Variants in FOCAD observed in about 807,000 individuals in gnomAD.
FOCAD encodes the protein focadhesin.
FOCAD carries 198 observed loss-of-function variants against 225.6 expected under a neutral mutation model. The ratio of observed to expected loss-of-function variants is 0.88; its 90% CI spans 0.78 to 0.99. The LOEUF (loss-of-function observed/expected upper bound fraction) is 0.99. Among genes scored for constraint, FOCAD ranks in the 50% least tolerant of loss-of-function variants. The pLI, the probability that FOCAD is intolerant of heterozygous loss-of-function variation, is 0.00. For synonymous variants in FOCAD, 897 were observed against 755.0 expected, an observed-to-expected ratio of 1.19 and a Z score of -3.08; for missense variants, 2,713 against 2,123.6, an observed-to-expected ratio of 1.28 and a Z score of -5.46.
intron 27 of FOCAD, among the ~76,000 whole-genome samples, chr9:20,931,691 A>G (rs936849900): frequency 2.4e-4 from 37 of 152,158 alleles, no homozygotes; most frequent in African/African-American, 8.9e-4. Context: ...TCACATCTGT[A>G]ATTGCAGCAT....
chr9:20,955,617 G>C (rs945991013), intron 35 of FOCAD, among the ~76,000 whole-genome samples: 3 of 140,960 alleles, frequency 2.1e-5, no homozygotes, highest in African/African-American at 7.9e-5. Context: ...TTAATCTTTT[G>C]TCGTCATTAT....
intron 26 of FOCAD, 76 bp downstream of exon 26, chr9:20,926,493 G>A (rs377179179): frequency 3.2e-6 from 3 of 952,142 alleles, no homozygotes; most frequent in Non-Finnish European, 3.4e-6. Context: ...ACATGAAATC[G>A]ATTATATAGG....
chr9:20,869,295 C>T (rs532321777), intron 18 of FOCAD, among the ~76,000 whole-genome samples: 42 of 152,042 alleles, frequency 2.8e-4, no homozygotes, highest in African/African-American at 8.9e-4. Flanking sequence ...CTATGGAAAC[C>T]GGTGGAATAA....
At chr9:20,762,355 C>G (rs1041657984) in intron 6 of FOCAD, among the ~76,000 whole-genome samples, 1 of 151,870 alleles carries the variant, frequency 6.6e-6, no homozygotes, top group Non-Finnish European at 1.5e-5. Context: ...GTGAAAAGTC[C>G]TTTTGATTTT....
chr9:20,850,153 A>G (rs536830166), intron 15 of FOCAD, among the ~76,000 whole-genome samples: 1 of 151,924 alleles, frequency 6.6e-6, no homozygotes, highest in Admixed American at 6.6e-5. Flanking sequence ...AGAAATAAAA[A>G]TAATTTTAAT....
intron 19 of FOCAD, chr9:20,875,466 A>G (rs1192883068): frequency 1.3e-5 from 2 of 152,176 alleles, no homozygotes; most frequent in Non-Finnish European, 2.9e-5. Context: ...GTGGTGGTGC[A>G]TGCTGTAGTT....
chr9:20,937,386 G>A (rs1233241593), intron 28 of FOCAD, among the ~76,000 whole-genome samples: 2 of 152,088 alleles, frequency 1.3e-5, no homozygotes, highest in South Asian at 2.1e-4. Flanking sequence ...CAGAGATATA[G>A]ACCAATGGAG....
chr9:20,940,631 C>CT (rs1196274943), intron 28 of FOCAD, among the ~76,000 whole-genome samples: 1 of 152,172 alleles, frequency 6.6e-6, no homozygotes, highest in Non-Finnish European at 1.5e-5. Flanking sequence ...TACTGAGCAG[C>CT]TGCATACTGA....
Position 20,948,900 on chromosome 9 carries a change from T to TG in FOCAD, c.3850dup (p.Val1284GlyfsTer4). 1 of 1,613,546 alleles carries TG rather than the reference T, an allele frequency of 6.2e-7. No homozygotes were observed. The highest frequency in any genetic ancestry group is 8.5e-7 in the Non-Finnish European group (1 of 1,179,526). ...GCAGCTCTTCATGGCATGGTGGCCT[T>TG]GGTAGGCTCTGAAGGGGATGTAATG... On this transcript the variant is annotated frameshift_variant, in exon 32 of 44. Transcript: ENST00000338382. LOFTEE classifies it high-confidence loss of function.
chr9:20,801,339 C>T (rs1213297758), intron 11 of FOCAD, among the ~76,000 whole-genome samples: 3 of 152,068 alleles, frequency 2.0e-5, no homozygotes, highest in Non-Finnish European at 4.4e-5. Flanking sequence ...TGTCTGATAT[C>T]AGTTTTGGCC....
At chr9:20,949,835 G>C (rs1411354564) in intron 33 of FOCAD, among the ~76,000 whole-genome samples, 160 bp downstream of exon 33, 1 of 152,056 alleles carries the variant, frequency 6.6e-6, no homozygotes, top group Admixed American at 6.6e-5. Context: ...GTGGACCTGT[G>C]TTAACTGACA....
chr9:20,819,060 A>C (rs1824037760), intron 11 of FOCAD, among the ~76,000 whole-genome samples: 1 of 152,086 alleles, frequency 6.6e-6, no homozygotes, highest in Non-Finnish European at 1.5e-5. Flanking sequence ...ACTTAGAGGG[A>C]AATTTTTGTC....
intron 5 of FOCAD, among the ~76,000 whole-genome samples, chr9:20,751,491 C>A (rs1828542320): frequency 2.2e-5 from 1 of 45,862 alleles, no homozygotes; most frequent in African/African-American, 6.4e-5. Context: ...ATGAACTCAT[C>A]ATTTTTTATG....
intron 11 of FOCAD, among the ~76,000 whole-genome samples, chr9:20,809,017 A>G (rs1247812402): frequency 1.3e-5 from 2 of 152,234 alleles, no homozygotes; most frequent in Non-Finnish European, 2.9e-5. Flanking sequence ...ACAGAAATGT[A>G]CACAAAAGCA....
Position 20,788,953 on chromosome 9 carries a change from C to T in FOCAD, c.1198-398C>T, listed in dbSNP as rs147243380. Among the ~76,000 whole-genome samples the T allele has an allele frequency of 4.9e-3, 749 of 152,180 alleles. 10 individuals carry two copies. Among genetic ancestry groups the T allele is most frequent in the African/African-American group, 0.015 (612 of 41,530 alleles). Reference sequence around the variant, plus strand: ...GTCTGCCATCTGCCCCAGACTGCTTCTGCCTAGGGCCTGGAGCTGGGCAAA... The same window carrying T: ...GTCTGCCATCTGCCCCAGACTGCTTTTGCCTAGGGCCTGGAGCTGGGCAAA... On this transcript the variant is annotated intron_variant, in intron 10 of 43. Transcript: ENST00000338382.
chr9:20,781,382 T>C (rs1189686866), intron 9 of FOCAD, among the ~76,000 whole-genome samples: 1 of 152,254 alleles, frequency 6.6e-6, no homozygotes, highest in Non-Finnish European at 1.5e-5. Flanking sequence ...TGTTAGCCAC[T>C]GATCCAGGAA....
In FOCAD at chr9:20,815,123, G is replaced by GTGTTTTTTTTTTTTTTTTTTTTTTTTTT. The variant is rs1564024181; in HGVS notation, c.1456-4672_1456-4671insGTTTTTTTTTTTTTTTTTTTTTTTTTTT. 4.8e-4 allele frequency among the ~76,000 whole-genome samples: 41 copies of GTGTTTTTTTTTTTTTTTTTTTTTTTTTT among 85,382 alleles called. 9 individuals carry two copies. Among genetic ancestry groups the GTGTTTTTTTTTTTTTTTTTTTTTTTTTT allele is most frequent in the Non-Finnish European group, 7.4e-4 (33 of 44,548 alleles). 56.0% of individuals were successfully genotyped at this position (85,382 alleles called of 152,430 possible). A position where few individuals can be genotyped will look rare whatever the true frequency, so the allele number is the denominator to read the frequency against. On this transcript the variant is annotated intron_variant, in intron 11 of 43. Transcript: ENST00000338382. Reference sequence around the variant, plus strand: ...TCTGGAAATATCATTACTTCTCTTTGTTTTTTTTTTTTTGTTTTTTTTTTT... The same window carrying GTGTTTTTTTTTTTTTTTTTTTTTTTTTT: ...TCTGGAAATATCATTACTTCTCTTTGTGTTTTTTTTTTTTTTTTTTTTTTTTTTTTTTTTTTTTTTTGTTTTTTTTTTT...
chr9:20,972,668 G>A (rs184632066), intron 35 of FOCAD, among the ~76,000 whole-genome samples: 3 of 151,844 alleles, frequency 2.0e-5, no homozygotes, highest in East Asian at 3.9e-4. Context: ...TGCTTTTTCA[G>A]TATCTATTCA....
chr9:20,687,273 G>A (rs952751891), intron 1 of FOCAD, among the ~76,000 whole-genome samples: 3 of 152,138 alleles, frequency 2.0e-5, no homozygotes, highest in Admixed American at 2.0e-4. Context: ...TACTTGCCCG[G>A]GGACCAATGA....
Sources: gnomAD v4.1 joint callset for allele counts (sites outside exome capture counted in the v4.1 genomes callset) on GRCh38, gnomAD v4.1.1 for gene constraint, MANE v1.5 for transcripts, NCBI Gene and HGNC (gene_info 2026-07-23, HGNC 2026-07-21) for gene names.